The following GABRB1 variants were observed in gnomAD, a reference collection of about 807,000 sequenced individuals.
GABRB1 encodes gamma-aminobutyric acid type A receptor subunit beta1.
A neutral mutation model predicts 51.6 loss-of-function variants in GABRB1; 17 were observed. That is an observed-to-expected ratio of 0.33 (90% confidence interval 0.23 to 0.49). The LOEUF is 0.49. Ranked by LOEUF, GABRB1 falls within the 20% of genes least tolerant of loss-of-function variation. GABRB1 has a pLI of 0.99. For synonymous variants in GABRB1, 247 were observed against 218.9 expected, an observed-to-expected ratio of 1.13 and a Z score of -1.14; for missense variants, 410 against 600.6, an observed-to-expected ratio of 0.68 and a Z score of 3.32.
chr4:47,009,860 G>A (rs1724536333), intron 1 of GABRB1, among the ~76,000 whole-genome samples: 1 of 152,202 alleles, frequency 6.6e-6, no homozygotes, highest in Non-Finnish European at 1.5e-5. Flanking sequence ...AACCAAGAAT[G>A]TGATGGTGGT....
At chr4:47,198,207 G>A (rs1437016549) in intron 4 of GABRB1, among the ~76,000 whole-genome samples, 1 of 152,142 alleles carries the variant, frequency 6.6e-6, no homozygotes, top group Non-Finnish European at 1.5e-5. Flanking sequence ...CAATGTTTTG[G>A]TGAGCTGAAG....
At chr4:47,309,177 T>C (rs1355601337) in intron 4 of GABRB1, among the ~76,000 whole-genome samples, 1 of 152,116 alleles carries the variant, frequency 6.6e-6, no homozygotes, top group Non-Finnish European at 1.5e-5. Context: ...CAGACATTCA[T>C]GGTAAAATAT....
intron 4 of GABRB1, among the ~76,000 whole-genome samples, chr4:47,235,918 A>G (rs1340396533): frequency 1.3e-5 from 2 of 152,122 alleles, no homozygotes; most frequent in African/African-American, 2.4e-5. Context: ...CTGTTTCACA[A>G]TGTCTTATCT....
At chr4:47,196,611 G>A (rs918237954) in intron 4 of GABRB1, among the ~76,000 whole-genome samples, 1 of 152,216 alleles carries the variant, frequency 6.6e-6, no homozygotes, top group Admixed American at 6.5e-5. Context: ...CCAAAGGACA[G>A]AAGTGCCCTG....
Position 47,007,866 on chromosome 4 carries a change from G to GTTATATATATATATATA in GABRB1, c.-20+13941_-20+13942insTATATATATATATATAT, listed in dbSNP as rs1476319173. ...TTAAAGGACGTATACCTTGGAACTG[G>GTTATATATATATATATA]TATATATATATATATATATATATAT... On this transcript the variant is annotated intron_variant, in intron 1 of 3. Coordinates refer to the GABRB1 transcript ENST00000513567. Among the ~76,000 whole-genome samples the GTTATATATATATATATA allele has an allele frequency of 8.0e-5, 4 of 49,970 alleles. 1 individual carries two copies. Among genetic ancestry groups the GTTATATATATATATATA allele is most frequent in the African/African-American group, 2.4e-4 (3 of 12,672 alleles). The allele number at this position is 49,970 out of a possible 152,430, so 32.8% of individuals were successfully genotyped here. A position where few individuals can be genotyped will look rare whatever the true frequency, so the allele number is the denominator to read the frequency against.
chr4:47,116,721 T>C (rs1434645786), intron 3 of GABRB1, among the ~76,000 whole-genome samples: 1 of 152,196 alleles, frequency 6.6e-6, no homozygotes, highest in Non-Finnish European at 1.5e-5. Context: ...TGGGCAAGTG[T>C]ATTAGTCCAT....
chr4:47,397,816 A>G (rs956978247), intron 5 of GABRB1, among the ~76,000 whole-genome samples: 5 of 151,782 alleles, frequency 3.3e-5, no homozygotes, highest in Non-Finnish European at 7.4e-5. Context: ...CAAGTGATCT[A>G]CCCATCTCGG....
At chr4:47,261,385 T>C (rs1272117674) in intron 4 of GABRB1, among the ~76,000 whole-genome samples, 3 of 152,114 alleles carry the variant, frequency 2.0e-5, no homozygotes, top group African/African-American at 4.8e-5. Flanking sequence ...ACAAGCATTC[T>C]TATACACCAA....
intron 4 of GABRB1, among the ~76,000 whole-genome samples, chr4:47,317,851 T>C (rs1223501147): frequency 1.3e-5 from 2 of 151,832 alleles, no homozygotes; most frequent in Non-Finnish European, 2.9e-5. Context: ...CTCTGATATA[T>C]ATATATATTC....
chr4:47,026,426 A>G (rs976512325), intron 1 of GABRB1, among the ~76,000 whole-genome samples: 13 of 152,122 alleles, frequency 8.5e-5, no homozygotes, highest in Admixed American at 2.0e-4. Flanking sequence ...GATAAAAATT[A>G]TAGTTTCTAC....
chr4:47,181,459 T>C (rs1378944310), intron 4 of GABRB1, among the ~76,000 whole-genome samples: 1 of 152,054 alleles, frequency 6.6e-6, no homozygotes, highest in Non-Finnish European at 1.5e-5. Flanking sequence ...ACCAAAGTCC[T>C]TTCAGATGGC....
chr4:47,298,528 C>G (rs957694597), intron 4 of GABRB1, among the ~76,000 whole-genome samples: 1 of 152,174 alleles, frequency 6.6e-6, no homozygotes, highest in Non-Finnish European at 1.5e-5. Flanking sequence ...ATCCAACTTA[C>G]AAGGGATGTG....
chr4:47,370,616 G>A (rs1727154782), intron 5 of GABRB1, among the ~76,000 whole-genome samples: 1 of 152,018 alleles, frequency 6.6e-6, no homozygotes. Context: ...AATACTTCTG[G>A]CCTTAGGGTT....
intron 3 of GABRB1, among the ~76,000 whole-genome samples, chr4:47,038,477 A>G (rs1476465998): frequency 6.6e-6 from 1 of 152,230 alleles, no homozygotes; most frequent in African/African-American, 2.4e-5. Flanking sequence ...AACTGGGAAC[A>G]CTGCTCCACC....
chr4:47,138,573 C>A (rs943905510), intron 3 of GABRB1, among the ~76,000 whole-genome samples: 4 of 152,010 alleles, frequency 2.6e-5, no homozygotes, highest in Non-Finnish European at 4.4e-5. Flanking sequence ...GAGTCTTCTG[C>A]GGATTGTTGC....
At chr4:47,149,546 G>T (rs1407635501) in intron 3 of GABRB1, among the ~76,000 whole-genome samples, 1 of 151,986 alleles carries the variant, frequency 6.6e-6, no homozygotes, top group Non-Finnish European at 1.5e-5. Context: ...AATGCCACAT[G>T]TCATTATTAT....
At chr4:47,217,358 T>C (rs1578009010) in intron 4 of GABRB1, among the ~76,000 whole-genome samples, 1 of 151,922 alleles carries the variant, frequency 6.6e-6, no homozygotes, top group South Asian at 2.1e-4. Flanking sequence ...ATTTTTCATA[T>C]CCCAACATAG....
In GABRB1 at chr4:47,163,087, G is replaced by T. The variant is rs141813343; in HGVS notation, c.461+1618G>T. ...GAAAGTATGACATCTAGTGTCAGAG[G>T]ACCAAGGTTGGGCATAAACTCCACA... On this transcript the variant is annotated intron_variant, in intron 4 of 8. Coordinates refer to ENST00000295454, the MANE Select transcript of GABRB1 (RefSeq NM_000812.4). Among the ~76,000 whole-genome samples the T allele has an allele frequency of 3.9e-4, 60 of 152,090 alleles. 1 individual carries two copies. Among genetic ancestry groups the T allele is most frequent in the African/African-American group, 1.4e-3 (60 of 41,496 alleles).
chr4:47,115,438 ATCTAG>A (rs1181908172), intron 3 of GABRB1, among the ~76,000 whole-genome samples: 3 of 152,078 alleles, frequency 2.0e-5, no homozygotes, highest in Non-Finnish European at 4.4e-5. Flanking sequence ...TTGGAAAAAG[ATCTAG>A]TATAAGTAAT....
Sources: allele counts gnomAD v4.1 joint callset (sites outside exome capture counted in the v4.1 genomes callset), GRCh38; gene constraint gnomAD v4.1.1; transcripts MANE v1.5; gene names NCBI Gene and HGNC (gene_info 2026-07-23, HGNC 2026-07-21).